DENND4C: variants seen among roughly 807,000 people sequenced by gnomAD.
The protein encoded by DENND4C is DENN domain containing 4C.
In DENND4C, 108 loss-of-function variants were observed where a neutral mutation model predicts 203.0. The ratio of observed to expected loss-of-function variants is 0.53; its 90% CI spans 0.46 to 0.62. The LOEUF (loss-of-function observed/expected upper bound fraction) is 0.62, where lower values mean the gene tolerates loss of function less well. Among genes scored for constraint, DENND4C ranks in the 20% least tolerant of loss-of-function variants. DENND4C has a pLI of 0.00. For missense variants in DENND4C, 2,481 were observed against 2,301.2 expected (o/e 1.08, Z -1.60); for synonymous variants, 871 against 792.4 (o/e 1.10, Z -1.67).
At chr9:19,307,660 C>T (rs1563786819) in intron 10 of DENND4C, among the ~76,000 whole-genome samples, 1 of 151,062 alleles carries the variant, frequency 6.6e-6, no homozygotes, top group Non-Finnish European at 1.5e-5. Flanking sequence ...ATCCCAACTA[C>T]TCGGGAGTCT....
At chr9:19,275,027 A>G (rs1046540597) in intron 1 of DENND4C, among the ~76,000 whole-genome samples, 2 of 152,154 alleles carry the variant, frequency 1.3e-5, no homozygotes, top group Non-Finnish European at 2.9e-5. Context: ...TCCAGGCTGG[A>G]GTGCAGTGGC....
chr9:19,237,591 TTG>T (rs1388641754), intron 1 of DENND4C, among the ~76,000 whole-genome samples: 1 of 151,390 alleles, frequency 6.6e-6, no homozygotes, highest in African/African-American at 2.4e-5. Flanking sequence ...TCTCCTCACT[TTG>T]TGATCCGCCC....
At chr9:19,315,481 T>C (rs1841629622) in intron 10 of DENND4C, among the ~76,000 whole-genome samples, 2 of 150,482 alleles carry the variant, frequency 1.3e-5, no homozygotes, top group Non-Finnish European at 3.0e-5. Context: ...TATATTCTTA[T>C]ATTCTTGGAA....
At chr9:19,351,649 C>CA (rs1824145992) in intron 24 of DENND4C, among the ~76,000 whole-genome samples, 2 of 151,190 alleles carry the variant, frequency 1.3e-5, no homozygotes, top group South Asian at 4.2e-4. Context: ...TACTAAAATA[C>CA]AAAAAAAATT....
rs758824075 is a variant in DENND4C at position 19,346,315 on chromosome 9, G to A, written c.3546G>A (p.Glu1182=). 1.2e-6 allele frequency: 2 copies of A among 1,614,150 alleles called. No individual in the cohort carries two copies. Among genetic ancestry groups the A allele is most frequent in the South Asian group, 2.2e-5 (2 of 91,068 alleles). Residue 1182 remains glutamate, a synonymous_variant, in exon 23 of 33, where the codon GAG becomes GAA. Coordinates refer to ENST00000434457, the MANE Select transcript of DENND4C (RefSeq NM_001330640.2). ...HRSSPVPEML[E]ESQELLEPVV... is the part of the protein sequence containing the mutation. ...CATCTCCGGTGCCAGAGATGCTTGA[G>A]GAAAGCCAAGAACTCCTTGAGCCTG... is the stretch of plus-strand genomic sequence containing the variant.
chr9:19,327,978 T>C lies in DENND4C; in HGVS notation c.2121-52T>C, dbSNP rs993491614. 4.7e-6 allele frequency: 7 copies of C among 1,504,296 alleles called. No homozygotes were observed. In the Admixed American group the frequency reaches 1.1e-4, roughly 23 times the overall value. 93.2% of individuals were successfully genotyped at this position (1,504,296 alleles called of 1,614,324 possible). ...TATTTGCCTAAACGCTGGAATAATATGAAGAGTTGGTGTGTTTTAAATCAG... is the reference window on the plus strand; with the variant it reads ...TATTTGCCTAAACGCTGGAATAATACGAAGAGTTGGTGTGTTTTAAATCAG... On this transcript the variant is annotated intron_variant, in intron 15 of 32. Coordinates refer to ENST00000434457, the MANE Select transcript of DENND4C (RefSeq NM_001330640.2).
intron 7 of DENND4C, 61 bp from the exon 8 acceptor site, chr9:19,299,168 A>G: frequency 7.7e-7 from 1 of 1,297,552 alleles, no homozygotes; most frequent in Non-Finnish European, 1.1e-6. Flanking sequence ...GTAGTTTTGA[A>G]ACTTATCTCT....
chr9:19,313,711 A>G (rs1004125753), intron 10 of DENND4C, among the ~76,000 whole-genome samples: 1 of 152,186 alleles, frequency 6.6e-6, no homozygotes, highest in African/African-American at 2.4e-5. Context: ...AGAGGATATT[A>G]TGTTTGCTTC....
At position 19,316,556 on chromosome 9, in the gene DENND4C, G is replaced by A. The variant is rs572785401; in HGVS notation, c.1588+39G>A. The A allele has an allele frequency of 9.4e-6, 15 of 1,598,768 alleles. No homozygotes were observed. In the South Asian group the frequency reaches 1.4e-4, roughly 15 times the overall value. On this transcript the variant is annotated intron_variant, in intron 11 of 32. Coordinates refer to ENST00000434457, the MANE Select transcript of DENND4C (RefSeq NM_001330640.2). ...AAAGGAATATTATTAATGAAGGAAT[G>A]TATACGAGAAAATTCTTCTTAAATT...
chr9:19,332,302 A>T, intron 17 of DENND4C, 118 bp downstream of exon 17: 1 of 750,496 alleles, frequency 1.3e-6, no homozygotes. Context: ...CAGGAAAGGT[A>T]AAACTATTAC....
intron 26 of DENND4C, among the ~76,000 whole-genome samples, chr9:19,354,974 A>G (rs13296643): frequency 0.14 from 20,812 of 150,354 alleles, 2,084 homozygotes; most frequent in African/African-American, 0.27. Flanking sequence ...CAGTGGCGCA[A>G]TCTTGGCTCA....
At chr9:19,311,857 G>A (rs1367008799) in intron 10 of DENND4C, among the ~76,000 whole-genome samples, 2 of 152,072 alleles carry the variant, frequency 1.3e-5, no homozygotes, top group Non-Finnish European at 2.9e-5. Context: ...TATGATGACA[G>A]CTTCTATGGA....
chr9:19,289,134 A>G (rs1835779874), intron 4 of DENND4C, among the ~76,000 whole-genome samples: 1 of 152,318 alleles, frequency 6.6e-6, no homozygotes, highest in Admixed American at 6.5e-5. Context: ...AATCAGCTAT[A>G]TGGAGGAGAG....
chr9:19,297,460 T>C (rs141726528), intron 6 of DENND4C, among the ~76,000 whole-genome samples: 71 of 152,350 alleles, frequency 4.7e-4, no homozygotes, highest in African/African-American at 1.4e-3. Flanking sequence ...TTTATTGAAG[T>C]AAAATGTAAC....
intron 12 of DENND4C, among the ~76,000 whole-genome samples, chr9:19,323,147 A>G (rs1445260632): frequency 6.6e-6 from 1 of 152,238 alleles, no homozygotes; most frequent in East Asian, 1.9e-4. Context: ...CTCTTAAAAG[A>G]AAAGAGGCTA....
intron 12 of DENND4C, among the ~76,000 whole-genome samples, chr9:19,322,102 A>C (rs1842979339): frequency 6.6e-6 from 1 of 152,178 alleles, no homozygotes; most frequent in Admixed American, 6.5e-5. Context: ...GGGCACAAAA[A>C]ACATGAAGGG....
chr9:19,269,406 G>T (rs1005135630), intron 1 of DENND4C, among the ~76,000 whole-genome samples: 3 of 152,110 alleles, frequency 2.0e-5, no homozygotes, highest in East Asian at 3.9e-4. Flanking sequence ...TGATCTGCCC[G>T]TCTCGGCCTC....
intron 2 of DENND4C, 81 bp downstream of exon 2, chr9:19,276,560 G>T (rs557004506): frequency 7.3e-5 from 60 of 818,192 alleles, no homozygotes; most frequent in Admixed American, 1.3e-4. Context: ...TGAAATCCTT[G>T]ATAGTTTTAT....
chr9:19,256,303 T>G (rs1376103740), intron 1 of DENND4C, among the ~76,000 whole-genome samples: 15 of 72,182 alleles, frequency 2.1e-4, no homozygotes, highest in African/African-American at 8.0e-4. Flanking sequence ...TTCTGTTTTT[T>G]TTTTTGTTTT....
Sources: gnomAD v4.1 joint callset for allele counts (sites outside exome capture counted in the v4.1 genomes callset) on GRCh38, gnomAD v4.1.1 for gene constraint, MANE v1.5 for transcripts, NCBI Gene and HGNC (gene_info 2026-07-23, HGNC 2026-07-21) for gene names.